Variants in GLI3 observed in about 807,000 individuals in gnomAD.
The protein encoded by GLI3 is transcription activator GLI3.
Under a neutral mutation model 100.8 loss-of-function variants are expected in GLI3, and 20 were observed. The ratio of observed to expected loss-of-function variants is 0.20; its 90% CI spans 0.14 to 0.29. GLI3 has a LOEUF of 0.29. GLI3 is among the 10% of genes least tolerant of loss of function. GLI3 has a pLI of 1.00. For synonymous variants in GLI3, 938 were observed against 860.5 expected (o/e 1.09, Z -1.58); for missense variants, 2,040 against 2,128.5 (o/e 0.96, Z 0.82).
chr7:42,075,852 A>G lies in GLI3; in HGVS notation c.473+900T>C, dbSNP rs140818588. On this transcript the variant is annotated intron_variant, in intron 4 of 14. Transcript: ENST00000395925. The stretch of plus-strand genomic sequence containing the variant: ...GGAGGACTTGTTTTAAAACAACTTC[A>G]TTTTTCTTTGGCATAATATGTAATT... 5.8e-3 allele frequency among the ~76,000 whole-genome samples: 890 copies of G among 152,288 alleles called. 7 individuals carry two copies. The highest frequency in any genetic ancestry group is 8.5e-3 in the Non-Finnish European group (578 of 68,020).
intron 1 of GLI3, among the ~76,000 whole-genome samples, chr7:42,236,464 C>T (rs1208177295): frequency 1.3e-5 from 2 of 152,194 alleles, no homozygotes; most frequent in African/African-American, 2.4e-5. Flanking sequence ...CGAAGCATAG[C>T]CCGGGCTGGA....
chr7:42,090,399 G>A (rs1410859003), intron 3 of GLI3, among the ~76,000 whole-genome samples: 1 of 152,136 alleles, frequency 6.6e-6, no homozygotes, highest in Non-Finnish European at 1.5e-5. Flanking sequence ...AATCTTATGG[G>A]ACCACTGTCT....
intron 7 of GLI3, among the ~76,000 whole-genome samples, chr7:42,033,054 A>G (rs1451779049): frequency 6.6e-6 from 1 of 152,172 alleles, no homozygotes; most frequent in Non-Finnish European, 1.5e-5. Flanking sequence ...TTCAGTTTCC[A>G]GGTTCATCTC....
intron 2 of GLI3, among the ~76,000 whole-genome samples, chr7:42,217,198 A>G (rs1423880442): frequency 6.6e-6 from 1 of 152,178 alleles, no homozygotes; most frequent in African/African-American, 2.4e-5. Context: ...GTAATTACAG[A>G]GGAAAATCTA....
intron 13 of GLI3, among the ~76,000 whole-genome samples, chr7:41,971,247 A>C (rs1787356448): frequency 6.6e-6 from 1 of 152,192 alleles, no homozygotes; most frequent in African/African-American, 2.4e-5. Flanking sequence ...ATTTTAAGAA[A>C]ATGCTGGCTT....
At position 42,249,243 on chromosome 7, in the gene GLI3, C is replaced by G. The variant is rs145787486; in HGVS notation, c.-43+14751G>C. Among the ~76,000 whole-genome samples, 653 of 152,266 alleles carry G rather than the reference C, an allele frequency of 4.3e-3. 2 individuals are homozygous for G. The highest frequency in any genetic ancestry group is 0.014 in the African/African-American group (585 of 41,524). On this transcript the variant is annotated intron_variant, in intron 1 of 2. Coordinates refer to the GLI3 transcript ENST00000678978. Reference sequence around the variant, plus strand: ...GAACTATTGCGCTCTGCCATTGTATCACAAAAGCAGTCATAGAGCATACAC... The same window carrying G: ...GAACTATTGCGCTCTGCCATTGTATGACAAAAGCAGTCATAGAGCATACAC...
intron 7 of GLI3, among the ~76,000 whole-genome samples, chr7:42,037,754 A>G (rs1277204520): frequency 6.6e-6 from 1 of 152,192 alleles, no homozygotes; most frequent in East Asian, 1.9e-4. Flanking sequence ...CTAATGATAT[A>G]AAGAGTTGTG....
intron 10 of GLI3, among the ~76,000 whole-genome samples, chr7:41,998,415 C>A (rs1242479320): frequency 2.0e-5 from 3 of 152,174 alleles, no homozygotes; most frequent in African/African-American, 7.2e-5. Context: ...CAGCTGCTTC[C>A]CACCATGGCA....
chr7:42,044,123 C>T (rs1784197068), intron 6 of GLI3, among the ~76,000 whole-genome samples: 1 of 152,202 alleles, frequency 6.6e-6, no homozygotes, highest in Non-Finnish European at 1.5e-5. Context: ...ATGAAATAAT[C>T]ACCTTCTTTC....
At chr7:42,207,224 A>G (rs1043846148) in intron 2 of GLI3, among the ~76,000 whole-genome samples, 1 of 152,206 alleles carries the variant, frequency 6.6e-6, no homozygotes, top group East Asian at 1.9e-4. Flanking sequence ...CTGGCAGCCA[A>G]TGTTCCTGAC....
chr7:42,043,521 T>G (rs1252909232), intron 6 of GLI3, among the ~76,000 whole-genome samples: 2 of 152,224 alleles, frequency 1.3e-5, no homozygotes, highest in Non-Finnish European at 2.9e-5. Flanking sequence ...TTCTTATTGT[T>G]CTAACACAGA....
rs1450516296 is a variant in GLI3 at position 41,966,172 on chromosome 7, G to T, written c.2901C>A (p.Gly967=). Reference sequence around the variant, plus strand: ...GGGCATGAACTGGAGGCAGGGCCACGCCAGGCTCGAGGGCATCCCCGAGCA... The same window carrying T: ...GGGCATGAACTGGAGGCAGGGCCACTCCAGGCTCGAGGGCATCCCCGAGCA... ...LALLGDALEP[G]VALPPVHAPR... The change falls in exon 15 of 15, where the codon GGC becomes GGA. Residue 967 remains glycine (G), a synonymous_variant. Coordinates refer to ENST00000395925, the MANE Select transcript of GLI3 (RefSeq NM_000168.6). This position sits in a 1 kb window ranked among gnomAD's most constrained non-coding sequence, Gnocchi z 5.8. 9 of 1,601,334 alleles carry T rather than the reference G, an allele frequency of 5.6e-6. No individual in the cohort carries two copies. Among genetic ancestry groups the T allele is most frequent in the Non-Finnish European group, 5.9e-6 (7 of 1,176,796 alleles).
intron 10 of GLI3, among the ~76,000 whole-genome samples, chr7:41,990,246 C>T (rs930428507): frequency 1.3e-5 from 2 of 151,992 alleles, no homozygotes; most frequent in African/African-American, 4.8e-5. Flanking sequence ...AATCAAGCTA[C>T]TAGGAGCACC....
intron 10 of GLI3, among the ~76,000 whole-genome samples, chr7:41,992,919 G>A (rs1257265958): frequency 6.6e-6 from 1 of 152,204 alleles, no homozygotes; most frequent in Admixed American, 6.5e-5. Context: ...TGAAATTACT[G>A]TGCTGGAAGG....
intron 1 of GLI3, among the ~76,000 whole-genome samples, chr7:42,248,724 A>T (rs1789000492): frequency 1.3e-5 from 2 of 152,138 alleles, no homozygotes; most frequent in Non-Finnish European, 2.9e-5. Context: ...CTATTATAAT[A>T]AAATATTAAT....
chr7:42,113,344 C>T (rs1438503276), intron 3 of GLI3: 5 of 645,752 alleles, frequency 7.7e-6, no homozygotes, highest in African/African-American at 7.2e-5. Flanking sequence ...GCACCTACGT[C>T]CCGTCGCTGT....
chr7:42,075,078 AC>A (rs1192080654), intron 4 of GLI3, among the ~76,000 whole-genome samples: 2 of 152,122 alleles, frequency 1.3e-5, no homozygotes, highest in African/African-American at 2.4e-5. Context: ...CCTAGAACAC[AC>A]AGTGGGGGCT....
In GLI3 at chr7:42,113,610, G is replaced by A. The variant is rs999036015; in HGVS notation, c.367+34616C>T. On this transcript the variant is annotated intron_variant, in intron 3 of 14. Coordinates refer to ENST00000395925, the MANE Select transcript of GLI3 (RefSeq NM_000168.6). ...CAGGCCCAGAAAGCTGAAGGTGCTGGAGATGCCAAGTGAAGTGTCTGCATT... is the reference window on the plus strand; with the variant it reads ...CAGGCCCAGAAAGCTGAAGGTGCTGAAGATGCCAAGTGAAGTGTCTGCATT... 1.4e-5 allele frequency: 14 copies of A among 992,558 alleles called. No individual in the cohort carries two copies. In the Admixed American group the frequency reaches 2.0e-4, roughly 14 times the overall value. 61.5% of individuals were successfully genotyped at this position (992,558 alleles called of 1,614,324 possible). A position where few individuals can be genotyped will look rare whatever the true frequency, so the allele number is the denominator to read the frequency against.
intron 3 of GLI3, among the ~76,000 whole-genome samples, chr7:42,103,466 A>C (rs916310238): frequency 2.8e-4 from 6 of 21,598 alleles, no homozygotes; most frequent in Non-Finnish European, 1.0e-3. Flanking sequence ...GTATCTTATT[A>C]AAAAAAAAAG....
Sources: allele counts gnomAD v4.1 joint callset (sites outside exome capture counted in the v4.1 genomes callset), GRCh38; gene constraint gnomAD v4.1.1; non-coding constraint Gnocchi (gnomAD v3.1); transcripts MANE v1.5; gene names NCBI Gene and HGNC (gene_info 2026-07-23, HGNC 2026-07-21).